TLL2: variants seen among roughly 807,000 people sequenced by gnomAD.
TLL2 encodes the protein tolloid like 2, also known as tolloid-like protein 2.
TLL2 carries 106 observed loss-of-function variants against 123.0 expected under a neutral mutation model. That is an observed-to-expected ratio of 0.86 (90% CI 0.74 to 1.01). TLL2 has a LOEUF of 1.01. TLL2 is among the 50% of genes least tolerant of loss of function. The pLI is 0.00. For synonymous variants in TLL2, 494 were observed against 516.8 expected, an observed-to-expected ratio of 0.96 and a Z score of 0.60; for missense variants, 1,332 against 1,336.7, an observed-to-expected ratio of 1.00 and a Z score of 0.06.
chr10:96,443,595 AAAC>A (rs1846869157), intron 3 of TLL2, among the ~76,000 whole-genome samples: 1 of 152,250 alleles, frequency 6.6e-6, no homozygotes, highest in Non-Finnish European at 1.5e-5. Flanking sequence ...TGAAAATAAC[AAAC>A]TATTGTTTGA....
intron 1 of TLL2, among the ~76,000 whole-genome samples, chr10:96,502,978 G>T (rs1185546876): frequency 6.6e-6 from 1 of 152,156 alleles, no homozygotes; most frequent in South Asian, 2.1e-4. Flanking sequence ...TCACAGATAG[G>T]TCTGTAACCA....
Position 96,424,530 on chromosome 10 carries a change from T to C in TLL2, c.639-1803A>G, listed in dbSNP as rs891627402. ...TGGTTTTATCAAACTATTTTGCCAA[T>C]TGGATAGGTAAAAAATGGGATTTCA... On this transcript the variant is annotated intron_variant, in intron 5 of 20. Coordinates refer to ENST00000357947, the MANE Select transcript of TLL2 (RefSeq NM_012465.4). 3.9e-5 allele frequency among the ~76,000 whole-genome samples: 6 copies of C among 152,184 alleles called. No individual in the cohort carries two copies. The East Asian group carries it at 7.7e-4, about 20-fold the overall frequency.
chr10:96,497,092 G>C (rs1410755375), intron 1 of TLL2, among the ~76,000 whole-genome samples: 2 of 151,658 alleles, frequency 1.3e-5, no homozygotes, highest in Admixed American at 1.3e-4. Context: ...ACTAGCCTGG[G>C]AAACATAGCG....
chr10:96,445,190 A>G (rs1400277411), intron 3 of TLL2, among the ~76,000 whole-genome samples: 1 of 151,678 alleles, frequency 6.6e-6, no homozygotes, highest in East Asian at 1.9e-4. Context: ...CTCCACCTCA[A>G]AAAAAAAAAT....
chr10:96,476,746 A>G (rs1847256986), intron 2 of TLL2, among the ~76,000 whole-genome samples: 1 of 152,116 alleles, frequency 6.6e-6, no homozygotes, highest in Non-Finnish European at 1.5e-5. Flanking sequence ...TGCCGTTAAA[A>G]TAAGAGAGAC....
At position 96,481,479 on chromosome 10, in the gene TLL2, A is replaced by G. The variant is rs76784525; in HGVS notation, c.176-1020T>C. Among the ~76,000 whole-genome samples the G allele has an allele frequency of 6.2e-4, 95 of 152,256 alleles. 2 individuals carry two copies. In the East Asian group the frequency reaches 0.018, roughly 29 times the overall value. On this transcript the variant is annotated intron_variant, in intron 1 of 20. Coordinates refer to ENST00000357947, the MANE Select transcript of TLL2 (RefSeq NM_012465.4). ...ACTGGAGCACAGTCTCTTTATCCTCACTAATACAGAAATTGCTATCAGAAA... is the reference window on the plus strand; with the variant it reads ...ACTGGAGCACAGTCTCTTTATCCTCGCTAATACAGAAATTGCTATCAGAAA...
intron 2 of TLL2, among the ~76,000 whole-genome samples, chr10:96,475,598 C>T (rs1405895543): frequency 6.6e-6 from 1 of 152,162 alleles, no homozygotes; most frequent in Non-Finnish European, 1.5e-5. Flanking sequence ...CTTCTGCAGC[C>T]AAAAAAGCAG....
Position 96,411,212 on chromosome 10 carries a change from C to T in TLL2, c.1049-738G>A, listed in dbSNP as rs184738019. Among the ~76,000 whole-genome samples, 32 of 131,256 alleles carry T rather than the reference C, an allele frequency of 2.4e-4. No homozygotes were observed. The East Asian group carries it at 4.8e-3, about 20-fold the overall frequency. 86.1% of individuals were successfully genotyped at this position (131,256 alleles called of 152,430 possible). A position where few individuals can be genotyped will look rare whatever the true frequency, so the allele number is the denominator to read the frequency against. ...AGTGCAGTGAGCCAAGATTGCACTA[C>T]TGCACTCCAGTCTCCAGTCTGGGTG... is the stretch of plus-strand genomic sequence containing the variant. On this transcript the variant is annotated intron_variant, in intron 8 of 20. Transcript: ENST00000357947.
intron 2 of TLL2, among the ~76,000 whole-genome samples, chr10:96,450,446 G>A (rs1846946626): frequency 1.3e-5 from 2 of 152,126 alleles, no homozygotes; most frequent in African/African-American, 4.8e-5. Flanking sequence ...CTGGGAATGG[G>A]GAGTTTAAAG....
chr10:96,476,080 C>T (rs1282997863), intron 2 of TLL2, among the ~76,000 whole-genome samples: 3 of 151,548 alleles, frequency 2.0e-5, no homozygotes, highest in Admixed American at 2.0e-4. Context: ...ACACCTTTAT[C>T]AGCAGAGTAA....
rs371883318 is a variant in TLL2, at chr10:96,373,744, G to A, written c.2514C>T (p.Asp838=). Residue 838 remains aspartate, a synonymous_variant, in exon 19 of 21, where the codon GAC becomes GAT. Coordinates refer to ENST00000357947, the MANE Select transcript of TLL2 (RefSeq NM_012465.4). ...GAATGGGGGCCAGGCTGTCCGGCCC[G>A]TCATACATTTCCAGGTGGTCATAGG... The part of the protein sequence containing the change: ...ECAYDHLEMY[D]GPDSLAPILG... 52 of 1,614,118 alleles carry A rather than the reference G, an allele frequency of 3.2e-5. No homozygotes were observed. Among genetic ancestry groups the A allele is most frequent in the African/African-American group, 5.3e-5 (4 of 74,948 alleles).
At chr10:96,403,305 C>G (rs1046544139) in intron 10 of TLL2, among the ~76,000 whole-genome samples, 1 of 152,140 alleles carries the variant, frequency 6.6e-6, no homozygotes, top group Non-Finnish European at 1.5e-5. Context: ...GTTACTGTGT[C>G]TATGTAGAAA....
chr10:96,469,632 T>C (rs181474025), intron 2 of TLL2, among the ~76,000 whole-genome samples: 1,568 of 152,128 alleles, frequency 0.01, 31 homozygotes, highest in African/African-American at 0.035. Context: ...CCCAACCCAG[T>C]GGGGGCTTTG....
Position 96,365,010 on chromosome 10 carries a change from T to A in TLL2, c.*3078A>T, listed in dbSNP as rs546861471. 1 of 152,330 alleles carries A rather than the reference T, an allele frequency of 6.6e-6. No homozygotes were observed. The highest frequency in any genetic ancestry group is 2.4e-5 in the African/African-American group (1 of 41,564). 9.4% of individuals were successfully genotyped at this position (152,330 alleles called of 1,614,324 possible). ...GCAATTCATGAGTGATATGAAACTT[T>A]ACAGCAGGGGTGTCCCATCTTTTGG... On this transcript the variant is annotated 3_prime_UTR_variant, in exon 21 of 21. Coordinates refer to ENST00000357947, the MANE Select transcript of TLL2 (RefSeq NM_012465.4).
intron 3 of TLL2, among the ~76,000 whole-genome samples, chr10:96,435,503 C>T (rs1200624980): frequency 2.0e-5 from 3 of 152,076 alleles, no homozygotes; most frequent in Non-Finnish European, 4.4e-5. Context: ...GTTGCTTGTG[C>T]TTTTGGTGTC....
intron 2 of TLL2, among the ~76,000 whole-genome samples, chr10:96,473,975 G>A (rs906315113): frequency 2.0e-5 from 3 of 152,094 alleles, no homozygotes; most frequent in African/African-American, 4.8e-5. Context: ...GGTGCAAGAG[G>A]GTCGGAAAGT....
intron 7 of TLL2, among the ~76,000 whole-genome samples, chr10:96,413,533 G>A (rs1000140959): frequency 5.3e-5 from 8 of 152,230 alleles, no homozygotes; most frequent in Non-Finnish European, 4.4e-5. Context: ...CCAGTGGGAA[G>A]ATGACTCTGC....
At position 96,432,858 on chromosome 10, in the gene TLL2, T is replaced by C. The variant is rs979038975; in HGVS notation, c.469A>G (p.Arg157Gly). The C allele has an allele frequency of 6.2e-7, 1 of 1,614,032 alleles. No homozygotes were observed. Among genetic ancestry groups the C allele is most frequent in the African/African-American group, 1.3e-5 (1 of 75,026 alleles). ...VRRATTSRTE[R>G]IWPGGVIPYV... ...GGGATGACTCCTCCAGGCCATATCC[T>C]CTCTGTCCTTGAGGTTGTGGCTCTT... The change falls in exon 4 of 21, where the codon AGG (arginine) becomes GGG (glycine). Residue 157 changes from arginine (R) to glycine (G), a missense_variant. Coordinates refer to ENST00000357947, the MANE Select transcript of TLL2 (RefSeq NM_012465.4).
rs1369823350 is a variant in TLL2, at chr10:96,386,035, A to G, written c.2013+20T>C. 6.4e-7 allele frequency: 1 copy of G among 1,560,400 alleles called. No individual in the cohort carries two copies. Among genetic ancestry groups the G allele is most frequent in the African/African-American group, 1.4e-5 (1 of 73,392 alleles). ...CACCCCTCAATACAGTCCCCAATCA[A>G]TTAGAGCATGGAGACATACGTCATT... On this transcript the variant is annotated intron_variant, in intron 15 of 20. Transcript: ENST00000357947.
Sources: allele counts gnomAD v4.1 joint callset (sites outside exome capture counted in the v4.1 genomes callset), GRCh38; gene constraint gnomAD v4.1.1; transcripts MANE v1.5; gene names NCBI Gene and HGNC (gene_info 2026-07-23, HGNC 2026-07-21).